Variants in MKLN1 observed in about 807,000 individuals in gnomAD.
MKLN1 encodes muskelin 1.
A neutral mutation model predicts 99.0 loss-of-function variants in MKLN1; 18 were observed. The observed-to-expected ratio is 0.18, with a 90% CI of 0.13 to 0.27. MKLN1 has a LOEUF of 0.27. Among genes scored for constraint, MKLN1 ranks in the 10% least tolerant of loss-of-function variants. MKLN1 has a pLI of 1.00. For synonymous variants in MKLN1, 288 were observed against 293.2 expected (o/e 0.98, Z 0.18); for missense variants, 621 against 875.9 (o/e 0.71, Z 3.67).
chr7:131,145,550 T>C (rs1322454652), intron 2 of MKLN1, among the ~76,000 whole-genome samples: 1 of 152,224 alleles, frequency 6.6e-6, no homozygotes, highest in Non-Finnish European at 1.5e-5. Flanking sequence ...CAAAGGATTA[T>C]ATGGGAAAAA....
intron 1 of MKLN1, among the ~76,000 whole-genome samples, chr7:131,366,668 C>T (rs921769685): frequency 5.9e-5 from 9 of 151,956 alleles, no homozygotes; most frequent in African/African-American, 1.2e-4. Flanking sequence ...AAAAACTAGC[C>T]GGGCATGGTG....
chr7:131,354,181 A>G (rs1029554211), intron 1 of MKLN1, among the ~76,000 whole-genome samples: 1 of 152,092 alleles, frequency 6.6e-6, no homozygotes, highest in Non-Finnish European at 1.5e-5. Flanking sequence ...TGGGATTTTG[A>G]TAGGAATTAC....
At chr7:131,199,277 G>A (rs1297508747) in intron 2 of MKLN1, among the ~76,000 whole-genome samples, 4 of 151,462 alleles carry the variant, frequency 2.6e-5, no homozygotes, top group Non-Finnish European at 5.9e-5. Flanking sequence ...AAAAGATAGA[G>A]ACAGGGTCTT....
chr7:131,116,320 A>T (rs1465613531), intron 1 of MKLN1, among the ~76,000 whole-genome samples: 1 of 152,030 alleles, frequency 6.6e-6, no homozygotes. Flanking sequence ...CTAGGATTTT[A>T]AGATTTTGGA....
At chr7:131,415,502 T>G (rs1490989697) in intron 8 of MKLN1, among the ~76,000 whole-genome samples, 1 of 152,178 alleles carries the variant, frequency 6.6e-6, no homozygotes, top group Non-Finnish European at 1.5e-5. Flanking sequence ...TTTATTTTCA[T>G]AATTTTTGTA....
rs148987507 is a variant in MKLN1, at chr7:131,241,247, A to T, written c.-179+38273A>T. Reference sequence around the variant, plus strand: ...ACAAAAATTAGCCAGGCATGGTGGCACATACCTATAATACCAGCTAGTTGG... The same window carrying T: ...ACAAAAATTAGCCAGGCATGGTGGCTCATACCTATAATACCAGCTAGTTGG... On this transcript the variant is annotated intron_variant, in intron 3 of 7. Transcript: ENST00000416992. 7.3e-3 allele frequency among the ~76,000 whole-genome samples: 1,107 copies of T among 152,082 alleles called. 12 individuals carry two copies. Among genetic ancestry groups the T allele is most frequent in the African/African-American group, 0.026 (1,066 of 41,470 alleles).
At chr7:131,174,338 TC>T (rs1420621746) in intron 2 of MKLN1, among the ~76,000 whole-genome samples, 1 of 152,158 alleles carries the variant, frequency 6.6e-6, no homozygotes, top group East Asian at 1.9e-4. Flanking sequence ...ACAATATGTG[TC>T]TTTTTTCAGA....
At chr7:131,462,580 C>T (rs1796547245) in intron 12 of MKLN1, among the ~76,000 whole-genome samples, 1 of 152,018 alleles carries the variant, frequency 6.6e-6, no homozygotes, top group Non-Finnish European at 1.5e-5. Flanking sequence ...CTTCTTTTTT[C>T]CCTGTAGCTG....
At chr7:131,307,462 C>G (rs1798484712) in intron 3 of MKLN1, among the ~76,000 whole-genome samples, 1 of 152,140 alleles carries the variant, frequency 6.6e-6, no homozygotes, top group Non-Finnish European at 1.5e-5. Flanking sequence ...CCTGGAAAAG[C>G]TGCAGGAACT....
At chr7:131,167,839 G>T (rs187964026) in intron 2 of MKLN1, among the ~76,000 whole-genome samples, 49 of 152,216 alleles carry the variant, frequency 3.2e-4, no homozygotes, top group East Asian at 2.9e-3. Context: ...TTATTCACTT[G>T]TTAAAAGGAT....
intron 6 of MKLN1, among the ~76,000 whole-genome samples, chr7:131,406,677 G>C (rs1794718731): frequency 6.6e-6 from 1 of 151,884 alleles, no homozygotes; most frequent in Admixed American, 6.6e-5. Flanking sequence ...CTATAATGCA[G>C]CTCAACTCTC....
chr7:131,437,070 TTTTA>T (rs1323265728), intron 9 of MKLN1, among the ~76,000 whole-genome samples: 1 of 152,082 alleles, frequency 6.6e-6, no homozygotes, highest in Non-Finnish European at 1.5e-5. Context: ...ATTTTATTTT[TTTTA>T]TTTTTTATTT....
chr7:131,310,087 TTAACA>T (rs2116636291), intron 3 of MKLN1: 2 of 152,318 alleles, frequency 1.3e-5, no homozygotes, highest in East Asian at 1.9e-4. Context: ...ATAATTTACA[TTAACA>T]TAACATAAGC....
intron 3 of MKLN1, among the ~76,000 whole-genome samples, chr7:131,227,643 G>A (rs1797177745): frequency 6.6e-6 from 1 of 150,930 alleles, no homozygotes; most frequent in Non-Finnish European, 1.5e-5. Context: ...TTGGCTCACT[G>A]TAACCTGTGT....
intron 2 of MKLN1, among the ~76,000 whole-genome samples, chr7:131,172,841 A>G (rs1188705981): frequency 2.0e-5 from 3 of 152,238 alleles, no homozygotes; most frequent in Admixed American, 6.5e-5. Flanking sequence ...TACTTGATCC[A>G]TAGTATTAAT....
At chr7:131,415,232 A>G (rs1263412424) in intron 8 of MKLN1, among the ~76,000 whole-genome samples, 6 of 152,020 alleles carry the variant, frequency 3.9e-5, no homozygotes, top group East Asian at 1.9e-4. Flanking sequence ...TAATGCCAAC[A>G]TTATAATAGG....
At chr7:131,114,744 G>A (rs1795248556) in intron 1 of MKLN1, among the ~76,000 whole-genome samples, 3 of 152,030 alleles carry the variant, frequency 2.0e-5, no homozygotes, top group Non-Finnish European at 2.9e-5. Flanking sequence ...TTAGGAGTTC[G>A]AGACCAGCCT....
chr7:131,229,032 G>A (rs7459170), intron 3 of MKLN1, among the ~76,000 whole-genome samples: 74,240 of 152,012 alleles, frequency 0.49, 18,563 homozygotes, highest in East Asian at 0.55. Flanking sequence ...GAGAGGCAGG[G>A]GTTACAGGCA....
chr7:131,487,596 T>G lies in MKLN1; in HGVS notation c.2087-11T>G. ...AACACAATGGATGTTTCTTTGTATC[T>G]TCTTCACCAGGCTTTTCTGATGTGG... On this transcript the variant is annotated splice_polypyrimidine_tract_variant and intron_variant, in intron 17 of 17. Coordinates refer to ENST00000352689, the MANE Select transcript of MKLN1 (RefSeq NM_013255.5). This position sits in a 1 kb window ranked among gnomAD's most constrained non-coding sequence, Gnocchi z 4.7. 6.2e-7 allele frequency: 1 copy of G among 1,610,334 alleles called. No homozygotes were observed. Among genetic ancestry groups the G allele is most frequent in the Non-Finnish European group, 8.5e-7 (1 of 1,178,574 alleles).
Sources: allele counts gnomAD v4.1 joint callset (sites outside exome capture counted in the v4.1 genomes callset), GRCh38; gene constraint gnomAD v4.1.1; non-coding constraint Gnocchi (gnomAD v3.1); transcripts MANE v1.5; gene names NCBI Gene and HGNC (gene_info 2026-07-23, HGNC 2026-07-21).